VPS13B: variants seen among roughly 807,000 people sequenced by gnomAD.
VPS13B encodes intermembrane lipid transfer protein VPS13B.
VPS13B carries 285 observed loss-of-function variants against 426.4 expected under a neutral mutation model. The observed-to-expected ratio is 0.67, with a 90% confidence interval of 0.61 to 0.74. The LOEUF (loss-of-function observed/expected upper bound fraction) is 0.74. Among genes scored for constraint, VPS13B ranks in the 30% least tolerant of loss-of-function variants. The pLI is 0.00. For missense variants in VPS13B, 4,537 were observed against 4,782.6 expected (o/e 0.95, Z 1.51); for synonymous variants, 1,676 against 1,676.4 (o/e 1.00, Z 0.01).
At chr8:99,366,129 T>C (rs1344478658) in intron 19 of VPS13B, among the ~76,000 whole-genome samples, 2 of 152,184 alleles carry the variant, frequency 1.3e-5, no homozygotes, top group Non-Finnish European at 2.9e-5. Context: ...ACAGTGCAGA[T>C]TAAATCTGAT....
chr8:99,193,452 T>TTG (rs759574753), intron 17 of VPS13B, among the ~76,000 whole-genome samples: 10 of 151,868 alleles, frequency 6.6e-5, no homozygotes, highest in African/African-American at 2.2e-4. Context: ...TAAACAATTT[T>TTG]TGTGTGTGTG....
In VPS13B at chr8:99,035,824, A is replaced by G. The variant is rs566120342; in HGVS notation, c.148-2599A>G. On this transcript the variant is annotated intron_variant, in intron 2 of 61. Transcript: ENST00000357162. ...GTATTCCATTTTCTCAACACTTACTATGTTTTTGATAATGGCCATTGTTAT... is the reference window on the plus strand; with the variant it reads ...GTATTCCATTTTCTCAACACTTACTGTGTTTTTGATAATGGCCATTGTTAT... Among the ~76,000 whole-genome samples the G allele has an allele frequency of 4.6e-5, 7 of 152,148 alleles. No homozygotes were observed. In the South Asian group the frequency reaches 1.2e-3, roughly 27 times the overall value.
chr8:99,440,209 C>T (rs764771567), intron 22 of VPS13B, among the ~76,000 whole-genome samples: 5 of 152,118 alleles, frequency 3.3e-5, no homozygotes, highest in Non-Finnish European at 5.9e-5. Context: ...TGAAGTAACA[C>T]TCAGTGCAGC....
At chr8:99,547,919 A>T (rs922168787) in intron 30 of VPS13B, among the ~76,000 whole-genome samples, 1 of 152,118 alleles carries the variant, frequency 6.6e-6, no homozygotes, top group Admixed American at 6.6e-5. Flanking sequence ...AGCAAAGTTC[A>T]TAGAGCTTTT....
At chr8:99,520,050 G>A (rs529261970) in intron 29 of VPS13B, among the ~76,000 whole-genome samples, 2 of 152,182 alleles carry the variant, frequency 1.3e-5, no homozygotes, top group Non-Finnish European at 2.9e-5. Context: ...TGTGGAAAAA[G>A]TGCTGAACTT....
chr8:99,249,427 G>GTT (rs35700362), intron 17 of VPS13B, among the ~76,000 whole-genome samples: 4 of 117,714 alleles, frequency 3.4e-5, no homozygotes, highest in Admixed American at 8.2e-5. Context: ...TAGTTGAATG[G>GTT]TTTTTTTTTT....
intron 20 of VPS13B, among the ~76,000 whole-genome samples, chr8:99,387,282 ATCAC>A (rs1243899796): frequency 1.3e-5 from 2 of 151,892 alleles, no homozygotes; most frequent in Non-Finnish European, 2.9e-5. Context: ...CAGTGCTGTG[ATCAC>A]AGGTCACTGC....
intron 19 of VPS13B, among the ~76,000 whole-genome samples, chr8:99,367,448 GT>G (rs1369142162): frequency 1.3e-5 from 2 of 152,090 alleles, no homozygotes; most frequent in African/African-American, 4.8e-5. Flanking sequence ...ACTTTTAAGA[GT>G]TTGATTAAAT....
At chr8:99,338,719 C>T (rs919528948) in intron 19 of VPS13B, among the ~76,000 whole-genome samples, 1 of 152,054 alleles carries the variant, frequency 6.6e-6, no homozygotes, top group Non-Finnish European at 1.5e-5. Flanking sequence ...GTCTCTCAAT[C>T]GTTTATATGT....
intron 40 of VPS13B, among the ~76,000 whole-genome samples, chr8:99,774,944 A>G (rs755372414): frequency 6.6e-6 from 1 of 152,230 alleles, no homozygotes; most frequent in Non-Finnish European, 1.5e-5. Flanking sequence ...CTAGCATTGC[A>G]GTAAATGCTT....
intron 17 of VPS13B, among the ~76,000 whole-genome samples, chr8:99,252,195 C>T (rs561998839): frequency 1.3e-5 from 2 of 152,020 alleles, no homozygotes; most frequent in Admixed American, 6.5e-5. Context: ...GTACTGTGCA[C>T]ATTCGGTGCT....
At chr8:99,622,758 C>T (rs1828421210) in intron 33 of VPS13B, among the ~76,000 whole-genome samples, 1 of 152,184 alleles carries the variant, frequency 6.6e-6, no homozygotes, top group African/African-American at 2.4e-5. Flanking sequence ...CACCCTTTTC[C>T]AGTTGCTAAG....
chr8:99,448,461 C>T (rs1374163557), intron 23 of VPS13B, among the ~76,000 whole-genome samples: 1 of 152,030 alleles, frequency 6.6e-6, no homozygotes, highest in Non-Finnish European at 1.5e-5. Flanking sequence ...GAAATCTATC[C>T]CTTTTTCTGC....
chr8:99,711,800 G>A (rs1377409782), intron 36 of VPS13B, among the ~76,000 whole-genome samples: 4 of 152,108 alleles, frequency 2.6e-5, no homozygotes, highest in Non-Finnish European at 5.9e-5. Flanking sequence ...AAAGAAAATT[G>A]CTAATTATTT....
intron 21 of VPS13B, among the ~76,000 whole-genome samples, chr8:99,401,870 A>G (rs574158587): frequency 1.2e-3 from 183 of 152,286 alleles, no homozygotes; most frequent in South Asian, 2.5e-3. Flanking sequence ...ATCTCTAAAT[A>G]CATAAATAAA....
At chr8:99,280,494 C>A (rs1819119473) in intron 19 of VPS13B, among the ~76,000 whole-genome samples, 1 of 152,134 alleles carries the variant, frequency 6.6e-6, no homozygotes, top group Non-Finnish European at 1.5e-5. Flanking sequence ...TTGATGAATG[C>A]ACAAAGAATG....
intron 31 of VPS13B, among the ~76,000 whole-genome samples, chr8:99,566,617 A>G (rs1204529643): frequency 2.6e-5 from 4 of 151,844 alleles, no homozygotes; most frequent in Non-Finnish European, 5.9e-5. Context: ...TGATTTTTGT[A>G]TTTTTAGTAG....
intron 28 of VPS13B, among the ~76,000 whole-genome samples, chr8:99,510,677 AT>A (rs1410624236): frequency 6.6e-6 from 1 of 152,012 alleles, no homozygotes; most frequent in African/African-American, 2.4e-5. Context: ...CATCTGGCTA[AT>A]TTTTTGTATT....
intron 16 of VPS13B, among the ~76,000 whole-genome samples, chr8:99,192,470 C>T (rs1359848744): frequency 1.3e-5 from 2 of 152,140 alleles, no homozygotes; most frequent in Middle Eastern, 3.4e-3. Flanking sequence ...AATGATAGTA[C>T]CTCCCTCATA....
Sources: gnomAD v4.1 joint callset for allele counts (sites outside exome capture counted in the v4.1 genomes callset) on GRCh38, gnomAD v4.1.1 for gene constraint, MANE v1.5 for transcripts, NCBI Gene and HGNC (gene_info 2026-07-23, HGNC 2026-07-21) for gene names.